CDHR3: variants seen among roughly 807,000 people sequenced by gnomAD.
CDHR3 encodes the protein cadherin-related family member 3.
In CDHR3, 79 loss-of-function variants were observed where a neutral mutation model predicts 86.6. That is an observed-to-expected ratio of 0.91 (90% CI 0.76 to 1.10). The LOEUF (loss-of-function observed/expected upper bound fraction) is 1.10. Ranked by LOEUF, CDHR3 falls within the 50% of genes least tolerant of loss-of-function variation. CDHR3 has a pLI of 0.00. For missense variants in CDHR3, 1,081 were observed against 1,077.6 expected (o/e 1.00, Z -0.04); for synonymous variants, 421 against 402.4 (o/e 1.05, Z -0.55).
chr7:106,028,928 C>CTT (rs1554532709), intron 17 of CDHR3, among the ~76,000 whole-genome samples: 3 of 109,836 alleles, frequency 2.7e-5, no homozygotes, highest in African/African-American at 3.7e-5. Context: ...TTCTTTCTTT[C>CTT]TTTCTTTCTT....
intron 1 of CDHR3, 97 bp downstream of exon 1, chr7:105,963,461 G>C (rs1826351446): frequency 7.5e-7 from 1 of 1,331,744 alleles, no homozygotes; most frequent in South Asian, 1.2e-5. Context: ...TTGCCCCTGG[G>C]AGGCTTGTTC....
chr7:105,979,239 C>T (rs1307019481), intron 2 of CDHR3, among the ~76,000 whole-genome samples: 3 of 152,200 alleles, frequency 2.0e-5, no homozygotes, highest in Non-Finnish European at 1.5e-5. Flanking sequence ...GCCAGTCAGT[C>T]TGGCTCCAGC....
In CDHR3 at chr7:105,967,672, T is replaced by C. The variant is rs900315628; in HGVS notation, c.46+4308T>C. Among the ~76,000 whole-genome samples, 17 of 152,232 alleles carry C rather than the reference T, an allele frequency of 1.1e-4. No individual in the cohort carries two copies. The East Asian group carries it at 1.2e-3, about 10-fold the overall frequency. ...CTAACTGGTGTAAGATGGTATCTCA[T>C]TGTGGTTTTGATTTGCATTTCTCTG... is the stretch of plus-strand genomic sequence containing the variant. On this transcript the variant is annotated intron_variant, in intron 1 of 18. Transcript: ENST00000317716.
chr7:106,024,306 C>T lies in CDHR3; in HGVS notation c.2077-75C>T, dbSNP rs1837022331. On this transcript the variant is annotated intron_variant, in intron 14 of 18. Transcript: ENST00000317716. ...ACAATAACAAAGAGTGGAATAAACA[C>T]TCAACACGAGAGAGTGCTGAATGTC... 1.2e-5 allele frequency: 15 copies of T among 1,293,118 alleles called. No individual in the cohort carries two copies. The South Asian group carries it at 2.0e-4, about 18-fold the overall frequency. 80.1% of individuals were successfully genotyped at this position (1,293,118 alleles called of 1,614,324 possible).
intron 17 of CDHR3, among the ~76,000 whole-genome samples, chr7:106,028,956 CTTT>C (rs1837878798): frequency 6.9e-6 from 1 of 143,938 alleles, no homozygotes; most frequent in Admixed American, 6.9e-5. Context: ...TTCTTTCTTT[CTTT>C]CTTTCTTTCT....
intron 2 of CDHR3, among the ~76,000 whole-genome samples, chr7:105,975,445 T>C (rs1828660363): frequency 6.6e-6 from 1 of 152,210 alleles, no homozygotes; most frequent in South Asian, 2.1e-4. Flanking sequence ...CCTATGAGTC[T>C]GATTTTTTCA....
chr7:105,968,073 G>A (rs1319331257), intron 1 of CDHR3, among the ~76,000 whole-genome samples: 2 of 152,140 alleles, frequency 1.3e-5, no homozygotes, highest in African/African-American at 4.8e-5. Context: ...TTCTTCTAGG[G>A]AAAAACCACA....
chr7:105,963,351 G>A lies in CDHR3; in HGVS notation c.33G>A (p.Leu11=). ...AAGCAATCATTCTCCTGGCTCTCCT[G>A]GGTGCCATGTCAGGTAGGAACTCAA... The part of the protein sequence containing the change: MQEAIILLAL[L]GAMSGGEALH... Residue 11 remains leucine (L), a synonymous_variant, in exon 1 of 19, where the codon CTG becomes CTA. Coordinates refer to ENST00000317716, the MANE Select transcript of CDHR3 (RefSeq NM_152750.5). 1 of 1,613,990 alleles carries A rather than the reference G, an allele frequency of 6.2e-7. No homozygotes were observed. The highest frequency in any genetic ancestry group is 8.5e-7 in the Non-Finnish European group (1 of 1,179,878).
rs141811857 is a variant in CDHR3 at position 106,017,369 on chromosome 7, C to T, written c.1427-477C>T. Among the ~76,000 whole-genome samples, 218 of 151,996 alleles carry T rather than the reference C, an allele frequency of 1.4e-3. 1 individual carries two copies. Among genetic ancestry groups the T allele is most frequent in the African/African-American group, 4.9e-3 (204 of 41,414 alleles). On this transcript the variant is annotated intron_variant, in intron 11 of 18. Coordinates refer to ENST00000317716, the MANE Select transcript of CDHR3 (RefSeq NM_152750.5). Reference sequence around the variant, plus strand: ...GTCAGGAGATCGAAACCAGCCTGGCCGACATGGTGAAACCCCATCTCTTCT... The same window carrying T: ...GTCAGGAGATCGAAACCAGCCTGGCTGACATGGTGAAACCCCATCTCTTCT...
intron 4 of CDHR3, among the ~76,000 whole-genome samples, chr7:105,993,699 AAAAAAAG>A (rs1831737633): frequency 1.3e-5 from 2 of 150,690 alleles, no homozygotes; most frequent in South Asian, 2.1e-4. Flanking sequence ...AAAAAAAAAA[AAAAAAAG>A]AAGAAGAAGA....
intron 3 of CDHR3, among the ~76,000 whole-genome samples, chr7:105,982,837 G>A (rs1035411183): frequency 2.0e-5 from 3 of 151,960 alleles, no homozygotes; most frequent in African/African-American, 7.3e-5. Context: ...ACCAATATTA[G>A]CCAGATGTGG....
At chr7:106,006,680 T>A (rs1423936990) in intron 8 of CDHR3, among the ~76,000 whole-genome samples, 1 of 152,192 alleles carries the variant, frequency 6.6e-6, no homozygotes, top group Non-Finnish European at 1.5e-5. Context: ...CTTGGGCAGC[T>A]CCATTCCTGT....
chr7:106,028,787 CAGA>C (rs1273910812), intron 17 of CDHR3, among the ~76,000 whole-genome samples: 2 of 152,168 alleles, frequency 1.3e-5, no homozygotes, highest in African/African-American at 4.8e-5. Flanking sequence ...GATATATTTG[CAGA>C]AGAACAGGAT....
chr7:105,963,441 A>G (rs1372382780), intron 1 of CDHR3, 77 bp downstream of exon 1: 4 of 1,493,800 alleles, frequency 2.7e-6, no homozygotes, highest in Non-Finnish European at 2.8e-6. Context: ...AATGTCCCCC[A>G]GAAAGGAAAT....
In CDHR3 at chr7:105,974,975, C is replaced by A. The variant is rs868655825; in HGVS notation, c.178C>A (p.Pro60Thr). ...ATTGTCACCTGTGATCCCAGGATTT[C>A]CCCAGATAGTCAACTCAAATCCCCT... Reference protein sequence around the residue: ...ASLSPVIPGFPQIVNSNPLTE... With the variant: ...ASLSPVIPGFTQIVNSNPLTE... The change falls in exon 2 of 19, where the codon CCC becomes ACC. Residue 60 changes from proline (P) to threonine (T), a missense_variant. By Grantham distance (38) the Pro-to-Thr change is conservative (BLOSUM62 -1). Transcript: ENST00000317716. 1 of 1,613,788 alleles carries A rather than the reference C, an allele frequency of 6.2e-7. No individual in the cohort carries two copies. The highest frequency in any genetic ancestry group is 1.1e-5 in the South Asian group (1 of 91,084).
At chr7:106,028,389 G>T in intron 16 of CDHR3, 162 bp from the exon 17 acceptor site, 1 of 768,822 alleles carries the variant, frequency 1.3e-6, no homozygotes, top group South Asian at 1.5e-5. Flanking sequence ...CTGAGAAGAT[G>T]GAAAGTTGTC....
chr7:106,022,272 T>C lies in CDHR3; in HGVS notation c.1900T>C (p.Phe634Leu). The C allele has an allele frequency of 6.2e-7, 1 of 1,614,050 alleles. No homozygotes were observed. The highest frequency in any genetic ancestry group is 8.5e-7 in the Non-Finnish European group (1 of 1,179,902). ...NVTRLLLTSR[F>L]DYAGGFDKIW... ...CACACGCCTGCTGCTTACATCTCGC[T>C]TTGACTATGCTGGTGGGTTTGATAA... The change falls in exon 14 of 19, where the codon TTT becomes CTT. Residue 634 changes from phenylalanine (F) to leucine (L), a missense_variant. Coordinates refer to ENST00000317716, the MANE Select transcript of CDHR3 (RefSeq NM_152750.5).
chr7:106,030,967 T>A lies in CDHR3; in HGVS notation c.2353+127T>A. 2.4e-6 allele frequency: 2 copies of A among 850,284 alleles called. No homozygotes were observed. The highest frequency in any genetic ancestry group is 3.8e-6 in the Non-Finnish European group (2 of 528,318). The allele number at this position is 850,284 out of a possible 1,614,324, so 52.7% of individuals were successfully genotyped here. ...AATCCGTTTGGCTATGTTGCCTATA[T>A]AGTGCTGACTCTTCTAGGCTAAATA... On this transcript the variant is annotated intron_variant, in intron 18 of 18. Transcript: ENST00000317716. This position sits in a 1 kb window ranked among gnomAD's most constrained non-coding sequence, Gnocchi z 4.8.
intron 6 of CDHR3, among the ~76,000 whole-genome samples, chr7:105,997,822 C>A (rs1434535088): frequency 6.6e-6 from 1 of 151,988 alleles, no homozygotes; most frequent in Non-Finnish European, 1.5e-5. Context: ...AGAACATGAC[C>A]CTCGCTGGCG....
Sources: gnomAD v4.1 joint callset for allele counts (sites outside exome capture counted in the v4.1 genomes callset) on GRCh38, gnomAD v4.1.1 for gene constraint, Gnocchi (gnomAD v3.1) non-coding constraint, MANE v1.5 for transcripts, NCBI Gene and HGNC (gene_info 2026-07-23, HGNC 2026-07-21) for gene names.